Variants in SLC66A1 observed in about 807,000 individuals in gnomAD.
SLC66A1 encodes the protein solute carrier family 66 member 1.
In SLC66A1, 23 loss-of-function variants were observed where a neutral mutation model predicts 33.0. The ratio of observed to expected loss-of-function variants is 0.70; its 90% CI spans 0.50 to 0.99. SLC66A1 has a LOEUF of 0.99. SLC66A1 is among the 50% of genes least tolerant of loss of function. The probability of loss-of-function intolerance (pLI) is 0.00; values close to 1 mark genes in which losing one functional copy is unlikely to be tolerated. For synonymous variants in SLC66A1, 164 were observed against 175.5 expected (o/e 0.93, Z 0.52); for missense variants, 335 against 383.6 (o/e 0.87, Z 1.06).
At chr1:19,320,806 G>A (rs12087380) in intron 2 of SLC66A1, among the ~76,000 whole-genome samples, 4,055 of 149,048 alleles carry the variant, frequency 0.027, 493 homozygotes, top group African/African-American at 0.099. Flanking sequence ...TCTGCCTCCC[G>A]GGTTCAAGCG....
At chr1:19,319,605 G>GTTTTTTTTTTTTTTTTTTTTTTTTT (rs569177720) in intron 2 of SLC66A1, among the ~76,000 whole-genome samples, 2 of 111,860 alleles carry the variant, frequency 1.8e-5, no homozygotes, top group Admixed American at 9.4e-5. Context: ...GCACATTCAT[G>GTTTTTTTTTTTTTTTTTTTTTTTTT]TTTTTTTTTT....
In SLC66A1 at chr1:19,313,078, C is replaced by T. The variant is rs143353879; in HGVS notation, c.-79+189C>T. ...GTGTTGAGTGCCAGTGCCAGGCACC[C>T]TTGTAATCGCTTGGCCTGGATTGTC... On this transcript the variant is annotated intron_variant, in intron 1 of 7. Transcript: ENST00000375153. 5.4e-3 allele frequency: 2,264 copies of T among 421,140 alleles called. 8 individuals are homozygous for T. The highest frequency in any genetic ancestry group is 6.5e-3 in the Admixed American group (102 of 15,594). 26.1% of individuals were successfully genotyped at this position (421,140 alleles called of 1,614,324 possible).
At chr1:19,330,985 G>A (rs941854811), downstream of SLC66A1, among the ~76,000 whole-genome samples, 1 of 152,200 alleles carries the variant, frequency 6.6e-6, no homozygotes, top group East Asian at 1.9e-4. Context: ...AGATCTCCCC[G>A]TCTTCACAGC....
Position 19,328,424 on chromosome 1 carries a change from C to G in SLC66A1, c.805-148C>G, listed in dbSNP as rs1363974998. 1 of 722,776 alleles carries G rather than the reference C, an allele frequency of 1.4e-6. No homozygotes were observed. Among genetic ancestry groups the G allele is most frequent in the Admixed American group, 2.1e-5 (1 of 48,418 alleles). The allele number at this position is 722,776 out of a possible 1,614,324, so 44.8% of individuals were successfully genotyped here. ...TGAGTGGAGGGCACAGCTAAGGTAG[C>G]GGCTGGGAGGTTATGGCTGGCCCTT... On this transcript the variant is annotated intron_variant, in intron 7 of 7. Coordinates refer to ENST00000375153, the MANE Select transcript of SLC66A1 (RefSeq NM_001040125.2). The surrounding 1 kb of genome is among the most constrained non-coding windows in gnomAD (Gnocchi z 4.7).
chr1:19,315,377 G>C (rs2093799603), intron 1 of SLC66A1, among the ~76,000 whole-genome samples: 1 of 152,268 alleles, frequency 6.6e-6, no homozygotes, highest in South Asian at 2.1e-4. Context: ...AGGTAGTCCA[G>C]TGAGCTGGGC....
downstream of SLC66A1, among the ~76,000 whole-genome samples, chr1:19,331,624 C>G (rs1270391667): frequency 6.6e-6 from 1 of 152,220 alleles, no homozygotes; most frequent in Admixed American, 6.5e-5. Flanking sequence ...CCCCCAGGCC[C>G]GAAGCCCCAG....
Position 19,327,229 on chromosome 1 carries a change from C to T in SLC66A1, c.621C>T (p.Phe207=). ...LSRLPQIRTN[F]LRKSTQGISY... is the part of the protein sequence containing the mutation. The stretch of plus-strand genomic sequence containing the variant: ...GACCTGACCTCCTCCTGCCCCAGTT[C>T]CTCCGGAAGTCCACCCAGGGGATCT... Residue 207 remains phenylalanine (F), a splice_region_variant and synonymous_variant, in exon 7 of 8, where the codon TTC becomes TTT. Transcript: ENST00000375153. The T allele has an allele frequency of 1.2e-6, 2 of 1,613,126 alleles. No individual in the cohort carries two copies. The highest frequency in any genetic ancestry group is 3.3e-5 in the Admixed American group (2 of 59,974).
rs780305924 is a variant in SLC66A1 at position 19,317,856 on chromosome 1, G to T, written c.164+15G>T. 1 of 1,611,184 alleles carries T rather than the reference G, an allele frequency of 6.2e-7. No individual in the cohort carries two copies. Among genetic ancestry groups the T allele is most frequent in the South Asian group, 1.1e-5 (1 of 90,812 alleles). Reference sequence around the variant, plus strand: ...TCTACCTTCCCGTGAGTAGTGTCTTGGTGGCAGGACCAGGGCAGGGCTGTG... The same window carrying T: ...TCTACCTTCCCGTGAGTAGTGTCTTTGTGGCAGGACCAGGGCAGGGCTGTG... On this transcript the variant is annotated intron_variant, in intron 2 of 7. Transcript: ENST00000375153.
chr1:19,321,348 A>AT (rs34424321), intron 2 of SLC66A1, among the ~76,000 whole-genome samples: 4,790 of 138,708 alleles, frequency 0.035, 460 homozygotes, highest in East Asian at 0.14. Flanking sequence ...GCTAATTGAA[A>AT]TTTTTTTTTT....
At chr1:19,325,463 G>A (rs767289519) in intron 3 of SLC66A1, 32 bp from the exon 4 acceptor site, 10 of 1,517,852 alleles carry the variant, frequency 6.6e-6, no homozygotes, top group South Asian at 4.5e-5. Flanking sequence ...CTGGGACTGC[G>A]CCAACCCCTG....
At chr1:19,317,387 G>A (rs372594697) in intron 1 of SLC66A1, among the ~76,000 whole-genome samples, 10 of 152,328 alleles carry the variant, frequency 6.6e-5, no homozygotes, top group East Asian at 3.9e-4. Context: ...GATCCAGCAC[G>A]CTGCCTGCAT....
chr1:19,326,139 C>G, intron 4 of SLC66A1, 106 bp from the exon 5 acceptor site: 1 of 1,108,130 alleles, frequency 9.0e-7, no homozygotes, highest in Non-Finnish European at 1.3e-6. Flanking sequence ...GTCACTTGCC[C>G]AAGGTCACAC....
At chr1:19,320,196 C>T (rs1178936571) in intron 2 of SLC66A1, among the ~76,000 whole-genome samples, 1 of 151,482 alleles carries the variant, frequency 6.6e-6, no homozygotes, top group Non-Finnish European at 1.5e-5. Context: ...CCATGGTGCC[C>T]GACCTTCAGG....
At chr1:19,330,039 C>T (rs1018003363), downstream of SLC66A1, among the ~76,000 whole-genome samples, 1 of 152,178 alleles carries the variant, frequency 6.6e-6, no homozygotes, top group Admixed American at 6.5e-5. Flanking sequence ...GCGATCATAG[C>T]TCACTGCAGC....
chr1:19,333,163 C>T (rs1232491776), downstream of SLC66A1, among the ~76,000 whole-genome samples: 1 of 152,128 alleles, frequency 6.6e-6, no homozygotes. The surrounding 1 kb of genome is among the most constrained non-coding windows in gnomAD (Gnocchi z 4.2). Flanking sequence ...GACCCCGCGC[C>T]CTCCCTGGCT....
At chr1:19,333,935 A>AAACAAAACAAAACAAAACAAAACAC (rs112328081), downstream of SLC66A1, among the ~76,000 whole-genome samples, 1 of 111,228 alleles carries the variant, frequency 9.0e-6, no homozygotes, top group African/African-American at 3.3e-5. The surrounding 1 kb of genome is among the most constrained non-coding windows in gnomAD (Gnocchi z 4.2). Context: ...AAACAAAACA[A>AAACAAAACAAAACAAAACAAAACAC]AACACAGGAA....
Position 19,325,598 on chromosome 1 carries a change from G to T in SLC66A1, c.382+16G>T. 1 of 1,466,698 alleles carries T rather than the reference G, an allele frequency of 6.8e-7. No homozygotes were observed. The allele number at this position is 1,466,698 out of a possible 1,614,324, so 90.9% of individuals were successfully genotyped here. ...CCCTCTCTGTGTGAGTATGGGGACC[G>T]CTCTCTGTCAGATGCTCTACCAGCA... On this transcript the variant is annotated intron_variant, in intron 4 of 7. Coordinates refer to ENST00000375153, the MANE Select transcript of SLC66A1 (RefSeq NM_001040125.2).
intron 1 of SLC66A1, among the ~76,000 whole-genome samples, chr1:19,313,932 G>T (rs933129555): frequency 1.3e-5 from 2 of 152,178 alleles, no homozygotes; most frequent in Non-Finnish European, 2.9e-5. Context: ...GAGCAGAATC[G>T]CTGGAGGGCT....
intron 6 of SLC66A1, 54 bp from the exon 7 acceptor site, chr1:19,327,173 C>A (rs2093872600): frequency 1.2e-5 from 18 of 1,500,352 alleles, no homozygotes; most frequent in Non-Finnish European, 1.7e-5. Flanking sequence ...AGTTACAATC[C>A]AGAGTGACAA....
Sources: gnomAD v4.1 joint callset for allele counts (sites outside exome capture counted in the v4.1 genomes callset) on GRCh38, gnomAD v4.1.1 for gene constraint, Gnocchi (gnomAD v3.1) non-coding constraint, MANE v1.5 for transcripts, NCBI Gene and HGNC (gene_info 2026-07-23, HGNC 2026-07-21) for gene names.